Variants in PWWP2B observed in about 807,000 individuals in gnomAD.
The protein encoded by PWWP2B is PWWP domain-containing protein 2B.
A neutral mutation model predicts 15.5 loss-of-function variants in PWWP2B; 9 were observed. That is an observed-to-expected ratio of 0.58 (90% CI 0.35 to 1.02). The LOEUF (loss-of-function observed/expected upper bound fraction) is 1.02, where lower values mean the gene tolerates loss of function less well. PWWP2B is among the 50% of genes least tolerant of loss of function. The pLI, the probability that PWWP2B is intolerant of heterozygous loss-of-function variation, is 0.02. For missense variants in PWWP2B, 864 were observed against 865.3 expected (o/e 1.00, Z 0.02); for synonymous variants, 474 against 403.6 (o/e 1.17, Z -2.09).
chr10:132,408,082 C>G (rs946548270), intron 2 of PWWP2B, among the ~76,000 whole-genome samples: 1 of 152,232 alleles, frequency 6.6e-6, no homozygotes, highest in Non-Finnish European at 1.5e-5. Flanking sequence ...TCTCACCAGA[C>G]GGGTTTGCCT....
chr10:132,406,293 A>T lies in PWWP2B; in HGVS notation c.*16+4A>T. The T allele has an allele frequency of 6.3e-7, 1 of 1,594,328 alleles. No individual in the cohort carries two copies. Among genetic ancestry groups the T allele is most frequent in the Non-Finnish European group, 8.6e-7 (1 of 1,168,160 alleles). ...ACGTAACTGGTTCCCTGACCAGGTG[A>T]GTGTGCCAGCGGCAGCCTCCTTCCC... On this transcript the variant is annotated splice_donor_region_variant and intron_variant, in intron 2 of 2. Transcript: ENST00000305233.
chr10:132,404,968 C>T lies in PWWP2B; in HGVS notation c.468C>T (p.Ser156=). 6.3e-7 allele frequency: 1 copy of T among 1,585,050 alleles called. No homozygotes were observed. The highest frequency in any genetic ancestry group is 1.3e-5 in the African/African-American group (1 of 74,384). The change falls in exon 2 of 3, where the codon TCC becomes TCT. Residue 156 remains serine, a synonymous_variant. Transcript: ENST00000305233. ...TCAAGCGCACGCGGCGGCGTCTGTCCCGCAACCGCGACCCGGGGCGCCTCA... is the reference window on the plus strand; with the variant it reads ...TCAAGCGCACGCGGCGGCGTCTGTCTCGCAACCGCGACCCGGGGCGCCTCA... ...RTIKRTRRRL[S]RNRDPGRLIL...
chr10:132,403,194 T>G (rs2069634837), intron 1 of PWWP2B, among the ~76,000 whole-genome samples: 1 of 152,078 alleles, frequency 6.6e-6, no homozygotes, highest in Non-Finnish European at 1.5e-5. Context: ...CGGGTGGCGC[T>G]CACTCTGACC....
intron 1 of PWWP2B, among the ~76,000 whole-genome samples, chr10:132,402,918 G>GC (rs553356100): frequency 5.8e-4 from 88 of 152,338 alleles, no homozygotes; most frequent in African/African-American, 2.0e-3. Context: ...TGGCCCGCTG[G>GC]CCCCCGGGGT....
At position 132,417,062 on chromosome 10, in the gene PWWP2B, T is replaced by A; in HGVS notation, c.*18T>A. 6.2e-7 allele frequency: 1 copy of A among 1,613,610 alleles called. No individual in the cohort carries two copies. Among genetic ancestry groups the A allele is most frequent in the Non-Finnish European group, 8.5e-7 (1 of 1,179,668 alleles). ...TGCCCCTTTTTGCTTTCCCCCAAGGTCACCGACGATGAGGGCGCACCTGCT... is the reference window on the plus strand; with the variant it reads ...TGCCCCTTTTTGCTTTCCCCCAAGGACACCGACGATGAGGGCGCACCTGCT... On this transcript the variant is annotated splice_region_variant and 3_prime_UTR_variant, in exon 3 of 3. Transcript: ENST00000305233.
At chr10:132,404,065 TCC>T (rs1329543944) in intron 1 of PWWP2B, among the ~76,000 whole-genome samples, 4 of 136,152 alleles carry the variant, frequency 2.9e-5, no homozygotes, top group Admixed American at 6.9e-5. Flanking sequence ...TCTCCAGGGC[TCC>T]TGCAGGACGG....
At chr10:132,400,049 C>T (rs986836395) in intron 1 of PWWP2B, among the ~76,000 whole-genome samples, 3 of 152,218 alleles carry the variant, frequency 2.0e-5, no homozygotes, top group Non-Finnish European at 4.4e-5. Context: ...ACTGCCTGTC[C>T]CGGCAGAAGG....
rs61865566 is a variant in PWWP2B, at chr10:132,405,028, G to A, written c.528G>A (p.Val176=). ...LSTIRLRPRQ[V]LCEKCKSTLS... ...CCATCCGCCTGCGGCCGCGCCAGGT[G>A]CTCTGTGAGAAGTGCAAGAGCACGC... is the stretch of plus-strand genomic sequence containing the variant. Residue 176 remains valine, a synonymous_variant, in exon 2 of 3, where the codon GTG becomes GTA. Transcript: ENST00000305233. The A allele has an allele frequency of 4.6e-6, 7 of 1,526,908 alleles. No homozygotes were observed. The highest frequency in any genetic ancestry group is 4.2e-5 in the African/African-American group (3 of 71,964). 94.6% of individuals were successfully genotyped at this position (1,526,908 alleles called of 1,614,324 possible). A position where few individuals can be genotyped will look rare whatever the true frequency, so the allele number is the denominator to read the frequency against.
intron 1 of PWWP2B, among the ~76,000 whole-genome samples, chr10:132,400,026 G>A (rs1175607297): frequency 1.7e-4 from 26 of 152,338 alleles, no homozygotes; most frequent in Non-Finnish European, 1.5e-5. Context: ...GGCCCACACT[G>A]AGAACCCCAG....
chr10:132,415,333 CACACATAT>C (rs2069832214), intron 2 of PWWP2B, among the ~76,000 whole-genome samples: 1 of 150,462 alleles, frequency 6.6e-6, no homozygotes. Flanking sequence ...CACCCCCCCA[CACACATAT>C]CCACTCACAC....
rs1357279383 is a variant in PWWP2B at position 132,404,779 on chromosome 10, C to A, written c.279C>A (p.Pro93=). 7 of 1,553,792 alleles carry A rather than the reference C, an allele frequency of 4.5e-6. No individual in the cohort carries two copies. Among genetic ancestry groups the A allele is most frequent in the Admixed American group, 3.4e-5 (2 of 58,076 alleles). Residue 93 remains proline (P), a synonymous_variant, in exon 2 of 3, where the codon CCC becomes CCA. Coordinates refer to ENST00000305233, the MANE Select transcript of PWWP2B (RefSeq NM_138499.4). ...SSPPPARGVQ[P]PETTRPEPPP... ...CCCCTCCTGCCCGCGGGGTTCAGCC[C>A]CCCGAGACCACCCGCCCCGAGCCAC...
intron 1 of PWWP2B, among the ~76,000 whole-genome samples, chr10:132,401,758 G>A (rs534145085): frequency 2.6e-5 from 4 of 152,370 alleles, no homozygotes; most frequent in East Asian, 1.9e-4. Context: ...GGTCTCGCTC[G>A]GCCTCACTGG....
intron 2 of PWWP2B, among the ~76,000 whole-genome samples, chr10:132,414,133 G>C (rs958342661): frequency 2.0e-5 from 3 of 152,250 alleles, no homozygotes; most frequent in Non-Finnish European, 4.4e-5. Flanking sequence ...CTTGGAGTCT[G>C]TGTCTCTGCT....
intron 2 of PWWP2B, among the ~76,000 whole-genome samples, chr10:132,415,233 C>A (rs1471606089): frequency 6.6e-6 from 1 of 151,452 alleles, no homozygotes; most frequent in Non-Finnish European, 1.5e-5. Flanking sequence ...CCCACTCACA[C>A]TCACACACAT....
At position 132,404,978 on chromosome 10, in the gene PWWP2B, G is replaced by A. The variant is rs1378331901; in HGVS notation, c.478G>A (p.Asp160Asn). Reference protein sequence around the residue: ...RTRRRLSRNRDPGRLILSTIR... With the variant: ...RTRRRLSRNRNPGRLILSTIR... ...GCGGCGGCGTCTGTCCCGCAACCGCGACCCGGGGCGCCTCATCCTCAGCAC... is the reference window on the plus strand; with the variant it reads ...GCGGCGGCGTCTGTCCCGCAACCGCAACCCGGGGCGCCTCATCCTCAGCAC... Residue 160 changes from aspartate to asparagine, a missense_variant, in exon 2 of 3, where the codon GAC becomes AAC. Asp to Asn is a conservative substitution (Grantham distance 23). This residue lies in a region of PWWP2B where 736 missense variants were observed against 687.7 expected (regional missense o/e 1.07). Coordinates refer to ENST00000305233, the MANE Select transcript of PWWP2B (RefSeq NM_138499.4). The A allele has an allele frequency of 9.5e-6, 15 of 1,574,864 alleles. No individual in the cohort carries two copies. Among genetic ancestry groups the A allele is most frequent in the South Asian group, 2.3e-5 (2 of 88,580 alleles).
Position 132,406,087 on chromosome 10 carries a change from G to C in PWWP2B, c.1587G>C (p.Ser529=). The change falls in exon 2 of 3, where the codon TCG becomes TCC. Residue 529 remains serine, a synonymous_variant. Transcript: ENST00000305233. The part of the protein sequence containing the change: ...GEPSWREAKV[S]WFGSPTTSFL... ...CGTCTTGGCGAGAAGCGAAGGTCTC[G>C]TGGTTTGGTTCTCCGACTACGTCGT... 6.2e-7 allele frequency: 1 copy of C among 1,613,748 alleles called. No homozygotes were observed. The highest frequency in any genetic ancestry group is 8.5e-7 in the Non-Finnish European group (1 of 1,179,910).
chr10:132,411,477 G>A (rs1217609223), intron 2 of PWWP2B, among the ~76,000 whole-genome samples: 1 of 152,240 alleles, frequency 6.6e-6, no homozygotes, highest in Admixed American at 6.5e-5. Context: ...GGGTCCACCC[G>A]AGCCTCATGT....
In PWWP2B at chr10:132,404,868, G is replaced by C. The variant is rs1300667850; in HGVS notation, c.368G>C (p.Gly123Ala). 8.2e-6 allele frequency: 13 copies of C among 1,591,460 alleles called. No homozygotes were observed. The highest frequency in any genetic ancestry group is 1.3e-5 in the African/African-American group (1 of 74,704). The change falls in exon 2 of 3, where the codon GGC (glycine) becomes GCC (alanine). Residue 123 changes from glycine (G) to alanine (A), a missense_variant. By Grantham distance (60) the Gly-to-Ala change is moderately conservative. Transcript: ENST00000305233. Reference sequence around the variant, plus strand: ...CCCCCGTACCCTCCCTACTTCGAAGGCGCCCCCTTCCCTCACCCGCTGTGG... The same window carrying C: ...CCCCCGTACCCTCCCTACTTCGAAGCCGCCCCCTTCCCTCACCCGCTGTGG... ...SLPPYPPYFE[G>A]APFPHPLWLR...
At chr10:132,416,866 C>T (rs1256253276) in intron 2 of PWWP2B, among the ~76,000 whole-genome samples, 195 bp from the exon 3 acceptor site, 1 of 152,086 alleles carries the variant, frequency 6.6e-6, no homozygotes, top group Non-Finnish European at 1.5e-5. Flanking sequence ...CATGGAAGAC[C>T]CTGCACTCTC....
Sources: allele counts gnomAD v4.1 joint callset (sites outside exome capture counted in the v4.1 genomes callset), GRCh38; gene constraint gnomAD v4.1.1; regional missense constraint gnomAD v4.1.1; transcripts MANE v1.5; gene names NCBI Gene and HGNC (gene_info 2026-07-23, HGNC 2026-07-21).